The following SPTA1 variants were observed in gnomAD, a reference collection of about 807,000 sequenced individuals.
The protein encoded by SPTA1 is spectrin alpha, erythrocytic 1, also known as spectrin alpha chain, erythrocytic 1.
Under a neutral mutation model 324.7 loss-of-function variants are expected in SPTA1, and 177 were observed. That is an observed-to-expected ratio of 0.55 (90% CI 0.48 to 0.62). The LOEUF is 0.62. Ranked by LOEUF, SPTA1 falls within the 20% of genes least tolerant of loss-of-function variation. The pLI is 0.00. For synonymous variants in SPTA1, 1,195 were observed against 1,041.3 expected (o/e 1.15, Z -2.84); for missense variants, 3,162 against 2,883.6 (o/e 1.10, Z -2.21).
At chr1:158,656,813 A>G (rs1480835382) in intron 19 of SPTA1, among the ~76,000 whole-genome samples, 157 bp from the exon 20 acceptor site, 1 of 152,240 alleles carries the variant, frequency 6.6e-6, no homozygotes, top group African/African-American at 2.4e-5. Flanking sequence ...TGCAAGCATG[A>G]AGGAAATAGG....
chr1:158,674,686 A>G lies in SPTA1; in HGVS notation c.1113-11T>C. ...GAAAATCGATGGTACCTGTGGGAAAAGTGAGGTAAAAGACAGGAAGGAGAA... is the reference window on the plus strand; with the variant it reads ...GAAAATCGATGGTACCTGTGGGAAAGGTGAGGTAAAAGACAGGAAGGAGAA... On this transcript the variant is annotated splice_polypyrimidine_tract_variant and intron_variant, in intron 8 of 51. Transcript: ENST00000643759. The G allele has an allele frequency of 6.2e-7, 1 of 1,613,424 alleles. No homozygotes were observed. The highest frequency in any genetic ancestry group is 8.5e-7 in the Non-Finnish European group (1 of 1,179,936).
At chr1:158,678,892 C>G (rs1274857084) in intron 5 of SPTA1, among the ~76,000 whole-genome samples, 2 of 152,128 alleles carry the variant, frequency 1.3e-5, no homozygotes, top group Non-Finnish European at 2.9e-5. Context: ...TTATGAAATA[C>G]AACTTAATTT....
intron 39 of SPTA1, among the ~76,000 whole-genome samples, chr1:158,634,320 A>G (rs1650899565): frequency 6.6e-6 from 1 of 152,240 alleles, no homozygotes; most frequent in African/African-American, 2.4e-5. Flanking sequence ...TGGAATTAAG[A>G]TTTGAGTCCT....
rs1180964048 is a variant in SPTA1 at position 158,674,603 on chromosome 1, A to G, written c.1185T>C (p.Ala395=). 6.2e-7 allele frequency: 1 copy of G among 1,614,160 alleles called. No individual in the cohort carries two copies. The highest frequency in any genetic ancestry group is 1.7e-5 in the Admixed American group (1 of 60,018). ...WMNEKTAAIN[A]DELPTDVAGG... ...CAGCCACATCTGTTGGCAGCTCATC[A>G]GCATTGATCGCAGCAGTCTTCTCGT... is the stretch of plus-strand genomic sequence containing the variant. The change falls in exon 9 of 52, where the codon GCT becomes GCC. Residue 395 remains alanine, a synonymous_variant. Transcript: ENST00000643759.
chr1:158,627,582 T>G, intron 40 of SPTA1, 43 bp downstream of exon 40: 3 of 1,583,400 alleles, frequency 1.9e-6, no homozygotes, highest in Non-Finnish European at 2.6e-6. Flanking sequence ...CCAGTCCCTT[T>G]TGGAGAATGG....
chr1:158,684,128 T>A lies in SPTA1; in HGVS notation c.265-632A>T, dbSNP rs572398127. Reference sequence around the variant, plus strand: ...AAAAACTCTGGTTAACTCATCTCTCTGAGAAGAGTAGAGAACAGGTATCAC... The same window carrying A: ...AAAAACTCTGGTTAACTCATCTCTCAGAGAAGAGTAGAGAACAGGTATCAC... On this transcript the variant is annotated intron_variant, in intron 2 of 51. Transcript: ENST00000643759. 5.9e-5 allele frequency among the ~76,000 whole-genome samples: 9 copies of A among 151,408 alleles called. No individual in the cohort carries two copies. The East Asian group carries it at 1.4e-3, about 23-fold the overall frequency.
chr1:158,670,075 G>A (rs972874917), intron 12 of SPTA1, among the ~76,000 whole-genome samples: 1 of 152,130 alleles, frequency 6.6e-6, no homozygotes, highest in Non-Finnish European at 1.5e-5. Flanking sequence ...GTCTTCAAGG[G>A]GAAGCACTAC....
At position 158,615,414 on chromosome 1, in the gene SPTA1, G is replaced by A. The variant is rs370745058; in HGVS notation, c.6601-11C>T. On this transcript the variant is annotated splice_polypyrimidine_tract_variant and intron_variant, in intron 47 of 51. Coordinates refer to ENST00000643759, the MANE Select transcript of SPTA1 (RefSeq NM_003126.4). ...CTCCTTCTGTTTTCTCTGGAAAAAC[G>A]ACAGAGAAGAGAGACAATTAGTTGC... The A allele has an allele frequency of 1.1e-5, 17 of 1,613,578 alleles. No individual in the cohort carries two copies. Among genetic ancestry groups the A allele is most frequent in the African/African-American group, 2.7e-5 (2 of 74,896 alleles).
intron 15 of SPTA1, among the ~76,000 whole-genome samples, 156 bp downstream of exon 15, chr1:158,667,702 T>C (rs1386063971): frequency 6.6e-6 from 1 of 152,132 alleles, no homozygotes; most frequent in Non-Finnish European, 1.5e-5. Context: ...TCAGGTTGGA[T>C]TTTTAAAATT....
Position 158,634,573 on chromosome 1 carries a change from T to A in SPTA1, c.5535A>T (p.Gly1845=), listed in dbSNP as rs747533569. 12 of 1,614,104 alleles carry A rather than the reference T, an allele frequency of 7.4e-6. No individual in the cohort carries two copies. The East Asian group carries it at 2.5e-4, about 33-fold the overall frequency. ...TAGCAGCTAATGTATCTCCACAATCTCCTCGGACAGCCAAAGCATTCTTTT... is the reference window on the plus strand; with the variant it reads ...TAGCAGCTAATGTATCTCCACAATCACCTCGGACAGCCAAAGCATTCTTTT... ...INEKNALAVR[G]DCGDTLAATQ... The change falls in exon 39 of 52, where the codon GGA becomes GGT. Residue 1845 remains glycine, a synonymous_variant. Coordinates refer to ENST00000643759, the MANE Select transcript of SPTA1 (RefSeq NM_003126.4).
intron 29 of SPTA1, among the ~76,000 whole-genome samples, 160 bp downstream of exon 29, chr1:158,645,028 G>T (rs1024509233): frequency 6.6e-6 from 1 of 152,106 alleles, no homozygotes; most frequent in Non-Finnish European, 1.5e-5. Context: ...GACAATGATC[G>T]GTATAGAAAG....
In SPTA1 at chr1:158,669,623, G is replaced by A. The variant is rs529675685; in HGVS notation, c.1678-60C>T. The A allele has an allele frequency of 6.8e-5, 109 of 1,613,924 alleles. 1 individual carries two copies. The East Asian group carries it at 1.8e-3, about 26-fold the overall frequency. On this transcript the variant is annotated intron_variant, in intron 13 of 51. Transcript: ENST00000643759. ...AACCAAATATGGACATGTGAGATTC[G>A]CTGACCACCCTGGTCACCATGCCCA...
chr1:158,672,337 C>T, intron 10 of SPTA1, 141 bp from the exon 11 acceptor site: 1 of 806,390 alleles, frequency 1.2e-6, no homozygotes, highest in South Asian at 1.7e-5. Flanking sequence ...AACTTTTAAG[C>T]AAATGATTGT....
chr1:158,615,129 G>C (rs1649475090), intron 48 of SPTA1, 87 bp downstream of exon 48: 2 of 1,477,032 alleles, frequency 1.4e-6, no homozygotes, highest in Admixed American at 1.7e-5. Flanking sequence ...TCTTTTATCT[G>C]GTGCACCAAA....
chr1:158,681,591 C>CGCA lies in SPTA1; in HGVS notation c.464_466dup (p.Leu155dup), dbSNP rs749754226. 4.3e-6 allele frequency: 7 copies of CGCA among 1,613,788 alleles called. No homozygotes were observed. The African/African-American group carries it at 9.3e-5, about 22-fold the overall frequency. ...TACATACTGCTGGAACTTCAGGGCC[C>CGCA]GCAGCAACTGGTCACCCTTCTCCAG... is the stretch of plus-strand genomic sequence containing the variant. On this transcript the variant is annotated inframe_insertion, in exon 4 of 52. Transcript: ENST00000643759.
intron 39 of SPTA1, among the ~76,000 whole-genome samples, chr1:158,628,042 G>T (rs900087666): frequency 2.6e-5 from 4 of 152,082 alleles, no homozygotes; most frequent in African/African-American, 9.7e-5. Flanking sequence ...TCCATATTGA[G>T]ATTTATCTAA....
intron 14 of SPTA1, 90 bp from the exon 15 acceptor site, chr1:158,668,152 A>G: frequency 1.4e-6 from 2 of 1,381,202 alleles, no homozygotes; most frequent in Non-Finnish European, 2.0e-6. Flanking sequence ...CTCACTATAA[A>G]TCTAACGAAC....
In SPTA1 at chr1:158,681,536, A is replaced by G. The variant is rs1368840128; in HGVS notation, c.522T>C (p.Ile174=). The G allele has an allele frequency of 6.2e-7, 1 of 1,613,552 alleles. No individual in the cohort carries two copies. Among genetic ancestry groups the G allele is most frequent in the Non-Finnish European group, 8.5e-7 (1 of 1,179,694 alleles). The change falls in exon 4 of 52, where the codon ATT becomes ATC. Residue 174 remains isoleucine, a synonymous_variant. Transcript: ENST00000643759. Reference sequence around the variant, plus strand: ...GTTTTAAGTTCGATACCTTGTCTCCAATCCACTCTAAGATGTCAGCACACT... The same window carrying G: ...GTTTTAAGTTCGATACCTTGTCTCCGATCCACTCTAAGATGTCAGCACACT... ...VQECADILEW[I]GDKEAIATSV...
At chr1:158,627,987 G>T (rs1296155702) in intron 39 of SPTA1, among the ~76,000 whole-genome samples, 3 of 152,096 alleles carry the variant, frequency 2.0e-5, no homozygotes, top group Non-Finnish European at 4.4e-5. Context: ...ATCTTATTTT[G>T]ATTTTGGAAT....
Sources: gnomAD v4.1 joint callset for allele counts (sites outside exome capture counted in the v4.1 genomes callset) on GRCh38, gnomAD v4.1.1 for gene constraint, MANE v1.5 for transcripts, NCBI Gene and HGNC (gene_info 2026-07-23, HGNC 2026-07-21) for gene names.